Variants in AGMO observed in about 807,000 individuals in gnomAD.
AGMO encodes glyceryl-ether monooxygenase.
AGMO carries 75 observed loss-of-function variants against 60.2 expected under a neutral mutation model. The ratio of observed to expected loss-of-function variants is 1.25; its 90% confidence interval spans 1.03 to 1.51. The LOEUF is 1.51. AGMO is among the 40% of genes most tolerant of loss of function. The pLI is 0.00. For synonymous variants in AGMO, 261 were observed against 177.1 expected (o/e 1.47, Z -3.76); for missense variants, 763 against 525.5 (o/e 1.45, Z -4.42).
intron 4 of AGMO, among the ~76,000 whole-genome samples, chr7:15,426,850 T>C (rs983498718): frequency 6.6e-6 from 1 of 152,084 alleles, no homozygotes; most frequent in South Asian, 2.1e-4. Flanking sequence ...CAATGCATTA[T>C]GGCATGGTAG....
chr7:15,237,811 CTCT>C (rs1194852268), intron 12 of AGMO, among the ~76,000 whole-genome samples: 1 of 152,118 alleles, frequency 6.6e-6, no homozygotes, highest in African/African-American at 2.4e-5. Flanking sequence ...CCTAACCTTT[CTCT>C]TCTTATGTTA....
At chr7:15,547,841 G>A (rs1024625126) in intron 2 of AGMO, among the ~76,000 whole-genome samples, 2 of 152,078 alleles carry the variant, frequency 1.3e-5, no homozygotes, top group Admixed American at 6.5e-5. Context: ...GCCTGCCTCT[G>A]TAGGCTCCAC....
At chr7:15,260,816 C>G (rs1347483982) in intron 12 of AGMO, among the ~76,000 whole-genome samples, 5 of 152,114 alleles carry the variant, frequency 3.3e-5, no homozygotes, top group East Asian at 3.9e-4. Flanking sequence ...ATCAAGTACT[C>G]TCTCTGACCA....
intron 3 of AGMO, among the ~76,000 whole-genome samples, chr7:15,503,397 A>G (rs1205332563): frequency 6.6e-6 from 1 of 152,096 alleles, no homozygotes; most frequent in Non-Finnish European, 1.5e-5. Flanking sequence ...GTCACAGAGC[A>G]GGGATTTGAG....
In AGMO at chr7:15,555,172, C is replaced by A. The variant is rs747797279; in HGVS notation, c.257+4969G>T. Among the ~76,000 whole-genome samples, 4 of 151,080 alleles carry A rather than the reference C, an allele frequency of 2.6e-5. No individual in the cohort carries two copies. In the South Asian group the frequency reaches 6.3e-4, roughly 24 times the overall value. On this transcript the variant is annotated intron_variant, in intron 2 of 12. Coordinates refer to ENST00000342526, the MANE Select transcript of AGMO (RefSeq NM_001004320.2). ...ATTAGATATTTTTATTTCTAATAAT[C>A]TTGTTTTATGAGCCAGAAAATAAAT...
intron 3 of AGMO, among the ~76,000 whole-genome samples, chr7:15,498,926 G>C (rs891058852): frequency 2.6e-5 from 4 of 151,920 alleles, no homozygotes; most frequent in African/African-American, 9.7e-5. Flanking sequence ...ATATGAAACA[G>C]TCTCTGAGAT....
chr7:15,287,426 C>A (rs1389285056), intron 12 of AGMO, among the ~76,000 whole-genome samples: 7 of 152,082 alleles, frequency 4.6e-5, no homozygotes, highest in Non-Finnish European at 8.8e-5. Context: ...AAATAATTTA[C>A]CCTGTTCAAG....
intron 4 of AGMO, among the ~76,000 whole-genome samples, chr7:15,420,894 T>C (rs1051660150): frequency 6.6e-6 from 1 of 152,136 alleles, no homozygotes; most frequent in African/African-American, 2.4e-5. Context: ...CCCTAGGTCA[T>C]TTTATTGTCT....
intron 10 of AGMO, among the ~76,000 whole-genome samples, chr7:15,370,365 A>C (rs761372203): frequency 2.6e-5 from 4 of 152,132 alleles, no homozygotes; most frequent in Non-Finnish European, 5.9e-5. Context: ...GATGAACATG[A>C]GTGCATGTGT....
At chr7:15,412,003 G>A (rs1008879895) in intron 5 of AGMO, among the ~76,000 whole-genome samples, 2 of 152,128 alleles carry the variant, frequency 1.3e-5, no homozygotes, top group African/African-American at 4.8e-5. Context: ...TCAGAAGTCA[G>A]ATCTTCTAAG....
At chr7:15,424,257 C>T (rs1028597066) in intron 4 of AGMO, among the ~76,000 whole-genome samples, 1 of 152,156 alleles carries the variant, frequency 6.6e-6, no homozygotes, top group Non-Finnish European at 1.5e-5. Context: ...CACAAGCTCA[C>T]TTCTTACTTA....
At chr7:15,432,016 T>A (rs1781255666) in intron 3 of AGMO, among the ~76,000 whole-genome samples, 1 of 151,780 alleles carries the variant, frequency 6.6e-6, no homozygotes, top group Non-Finnish European at 1.5e-5. Flanking sequence ...GATCGAAATG[T>A]CACATTATAC....
chr7:15,482,000 C>T (rs1425547494), intron 3 of AGMO, among the ~76,000 whole-genome samples: 1 of 151,696 alleles, frequency 6.6e-6, no homozygotes, highest in African/African-American at 2.4e-5. Context: ...TAACATATCA[C>T]AAATTGTGGC....
the AGMO span, among the ~76,000 whole-genome samples, chr7:15,191,195 G>C: frequency 6.6e-6 from 1 of 152,104 alleles, no homozygotes; most frequent in Non-Finnish European, 1.5e-5. Flanking sequence ...TTTCTTTATA[G>C]AGTGGGAAAG....
intron 12 of AGMO, among the ~76,000 whole-genome samples, chr7:15,229,700 ATT>A: frequency 1.4e-5 from 2 of 139,572 alleles, no homozygotes; most frequent in Non-Finnish European, 3.0e-5. Flanking sequence ...ATAACTAATT[ATT>A]TATATATATA....
At chr7:15,135,017 T>A in the AGMO span, among the ~76,000 whole-genome samples, 1 of 151,846 alleles carries the variant, frequency 6.6e-6, no homozygotes, top group African/African-American at 2.4e-5. Flanking sequence ...TTACTATCCA[T>A]CTGATTCCAG....
At chr7:15,205,456 T>C (rs1223834364) in intron 12 of AGMO, among the ~76,000 whole-genome samples, 1 of 152,194 alleles carries the variant, frequency 6.6e-6, no homozygotes, top group Non-Finnish European at 1.5e-5. Context: ...AAGATTAAAA[T>C]AGAAAACATT....
In AGMO at chr7:15,390,678, T is replaced by C. The variant is rs765665400; in HGVS notation, c.815A>G (p.Lys272Arg). ...AAAAAACAAGTATGTTACCTGCACT[T>C]TGATTGGTTCAAATGTATTAATGGG... ...THPINTFEPIKVQFHHLFSIW... is the reference protein window; with the variant it reads ...THPINTFEPIRVQFHHLFSIW... Residue 272 changes from lysine (K) to arginine (R), a missense_variant, in exon 8 of 13, where the codon AAA (lysine) becomes AGA (arginine). Physicochemically the swap from Lys to Arg is conservative, Grantham distance 26 (BLOSUM62 2). Transcript: ENST00000342526. 6.3e-6 allele frequency: 10 copies of C among 1,595,128 alleles called. No homozygotes were observed. The East Asian group carries it at 2.0e-4, about 32-fold the overall frequency.
intron 12 of AGMO, among the ~76,000 whole-genome samples, chr7:15,274,637 G>T (rs900143567): frequency 3.3e-5 from 5 of 150,496 alleles, no homozygotes; most frequent in Non-Finnish European, 5.9e-5. Flanking sequence ...CAGTAAGTTT[G>T]GTACCAGTAC....
Sources: gnomAD v4.1 joint callset for allele counts (sites outside exome capture counted in the v4.1 genomes callset) on GRCh38, gnomAD v4.1.1 for gene constraint, MANE v1.5 for transcripts, NCBI Gene and HGNC (gene_info 2026-07-23, HGNC 2026-07-21) for gene names.